FRMD4A: variants seen among roughly 807,000 people sequenced by gnomAD.
FRMD4A encodes the protein FERM domain-containing protein 4A.
In FRMD4A, 29 loss-of-function variants were observed where a neutral mutation model predicts 129.1. That is an observed-to-expected ratio of 0.22 (90% confidence interval 0.17 to 0.31). FRMD4A has a LOEUF of 0.31. FRMD4A is among the 10% of genes least tolerant of loss of function. The probability of loss-of-function intolerance (pLI) is 1.00; values close to 1 mark genes in which losing one functional copy is unlikely to be tolerated. For synonymous variants in FRMD4A, 634 were observed against 571.6 expected (o/e 1.11, Z -1.56); for missense variants, 1,272 against 1,375.8 (o/e 0.92, Z 1.19).
At chr10:14,207,499 C>T (rs1232066482) in intron 2 of FRMD4A, among the ~76,000 whole-genome samples, 3 of 152,078 alleles carry the variant, frequency 2.0e-5, no homozygotes, top group Non-Finnish European at 4.4e-5. Flanking sequence ...TACAATATAA[C>T]CCTGTGTATA....
chr10:13,690,828 T>C (rs1490965507), intron 15 of FRMD4A, among the ~76,000 whole-genome samples: 4 of 151,758 alleles, frequency 2.6e-5, no homozygotes, highest in Non-Finnish European at 4.4e-5. Flanking sequence ...CTTCATTGTA[T>C]TGGTATACCG....
chr10:14,062,259 C>G (rs978882724), intron 2 of FRMD4A, among the ~76,000 whole-genome samples: 1 of 152,024 alleles, frequency 6.6e-6, no homozygotes, highest in African/African-American at 2.4e-5. Flanking sequence ...TGAGGTCTAT[C>G]GTTTAGGGGG....
chr10:13,707,999 G>C (rs1198118538), intron 12 of FRMD4A: 1 of 519,094 alleles, frequency 1.9e-6, no homozygotes. Context: ...TTAACCCTCT[G>C]GGAAATATCA....
At chr10:14,054,257 G>A (rs1401871631) in intron 2 of FRMD4A, among the ~76,000 whole-genome samples, 1 of 152,088 alleles carries the variant, frequency 6.6e-6, no homozygotes, top group African/African-American at 2.4e-5. Context: ...TTTGTCTCTG[G>A]CCTTTGTATC....
At chr10:13,701,554 G>A (rs1564644798) in intron 13 of FRMD4A, 76 bp from the exon 14 acceptor site, 2 of 1,425,660 alleles carry the variant, frequency 1.4e-6, no homozygotes, top group Non-Finnish European at 1.9e-6. Flanking sequence ...AGCTTCTGTA[G>A]AGAACCCACT....
intron 2 of FRMD4A, among the ~76,000 whole-genome samples, chr10:14,287,251 G>A (rs1017799956): frequency 2.6e-5 from 4 of 152,078 alleles, no homozygotes; most frequent in African/African-American, 7.2e-5. Context: ...AATTCTATGT[G>A]TGTACAATTG....
At chr10:13,862,736 G>A (rs2094311135) in intron 2 of FRMD4A, among the ~76,000 whole-genome samples, 3 of 152,220 alleles carry the variant, frequency 2.0e-5, no homozygotes, top group African/African-American at 7.2e-5. Context: ...TCAAAAGGGA[G>A]CACCTGCCTG....
At chr10:14,287,127 C>CT (rs766087711) in intron 2 of FRMD4A, among the ~76,000 whole-genome samples, 61 of 112,166 alleles carry the variant, frequency 5.4e-4, no homozygotes, top group Non-Finnish European at 9.5e-4. Context: ...CCATCTTGCT[C>CT]TTTGACAGGC....
intron 2 of FRMD4A, among the ~76,000 whole-genome samples, chr10:14,226,563 T>C (rs1417513706): frequency 1.3e-5 from 2 of 152,170 alleles, no homozygotes; most frequent in Non-Finnish European, 2.9e-5. Context: ...TATAGGCCTC[T>C]CTTCTGGGCT....
intron 12 of FRMD4A, among the ~76,000 whole-genome samples, chr10:13,731,507 G>C (rs146671183): frequency 6.6e-6 from 1 of 152,034 alleles, no homozygotes; most frequent in East Asian, 1.9e-4. Context: ...AAATTAGCTG[G>C]GTGTGGTGGC....
Position 13,715,220 on chromosome 10 carries a change from C to G in FRMD4A, c.760-8107G>C, listed in dbSNP as rs1165522739. 5.9e-5 allele frequency among the ~76,000 whole-genome samples: 9 copies of G among 152,200 alleles called. No individual in the cohort carries two copies. The East Asian group carries it at 1.7e-3, about 29-fold the overall frequency. On this transcript the variant is annotated intron_variant, in intron 12 of 24. Transcript: ENST00000357447. ...CAGGAGCCCTCAGTTCTAGCTCTGA[C>G]TTTGTAGAGCCCTCTCCATCTTAGC...
In FRMD4A at chr10:13,679,474, TACACACACACACACACACAC is replaced by T. The variant is rs59818032; in HGVS notation, c.1118-4450_1118-4431del. On this transcript the variant is annotated intron_variant, in intron 15 of 24. Transcript: ENST00000357447. ...AAAAAAAAAAAAATATATATATATA[TACACACACACACACACACAC>T]ACACACACACACACACAGTGTTCAC... is the stretch of plus-strand genomic sequence containing the variant. Among the ~76,000 whole-genome samples, 13 of 31,488 alleles carry T rather than the reference TACACACACACACACACACAC, an allele frequency of 4.1e-4. 1 individual carries two copies. The highest frequency in any genetic ancestry group is 9.4e-4 in the African/African-American group (7 of 7,454). 20.7% of individuals were successfully genotyped at this position (31,488 alleles called of 152,430 possible).
chr10:13,788,377 C>T (rs966439954), intron 5 of FRMD4A, among the ~76,000 whole-genome samples: 5 of 152,204 alleles, frequency 3.3e-5, no homozygotes, highest in South Asian at 2.1e-4. Context: ...CAGCCTTGCC[C>T]GTTCCTCCCC....
intron 2 of FRMD4A, among the ~76,000 whole-genome samples, chr10:13,881,392 C>G (rs1205197448): frequency 1.3e-5 from 2 of 152,012 alleles, no homozygotes; most frequent in Non-Finnish European, 2.9e-5. Context: ...CACTGCACTC[C>G]AATCTGAGTG....
At chr10:14,221,878 C>G (rs916575528) in intron 2 of FRMD4A, among the ~76,000 whole-genome samples, 4 of 152,178 alleles carry the variant, frequency 2.6e-5, no homozygotes, top group African/African-American at 9.6e-5. Flanking sequence ...CTGAACCTGT[C>G]TGTGTTATTG....
chr10:13,795,445 CT>C (rs1392318035), intron 5 of FRMD4A, among the ~76,000 whole-genome samples: 1 of 152,236 alleles, frequency 6.6e-6, no homozygotes, highest in East Asian at 1.9e-4. Flanking sequence ...TAAGTGGACC[CT>C]TTAACTCTTG....
intron 2 of FRMD4A, among the ~76,000 whole-genome samples, chr10:13,902,298 G>A (rs1394005150): frequency 6.6e-6 from 1 of 152,180 alleles, no homozygotes; most frequent in Non-Finnish European, 1.5e-5. Context: ...TTACAGGCAT[G>A]AGCCAGTGTG....
At chr10:13,865,599 C>G (rs753818236) in intron 2 of FRMD4A, among the ~76,000 whole-genome samples, 1 of 151,862 alleles carries the variant, frequency 6.6e-6, no homozygotes, top group Non-Finnish European at 1.5e-5. Flanking sequence ...TACAGGCACA[C>G]ACCACCATGC....
chr10:13,700,820 CTTTT>C (rs71503097), intron 14 of FRMD4A, among the ~76,000 whole-genome samples: 38 of 44,708 alleles, frequency 8.5e-4, no homozygotes, highest in African/African-American at 2.9e-3. Flanking sequence ...AGGGTAGTTG[CTTTT>C]TTTTTTTTTT....
Sources: allele counts gnomAD v4.1 joint callset (sites outside exome capture counted in the v4.1 genomes callset), GRCh38; gene constraint gnomAD v4.1.1; transcripts MANE v1.5; gene names NCBI Gene and HGNC (gene_info 2026-07-23, HGNC 2026-07-21).